The following PTPRM variants were observed in gnomAD, a reference collection of about 807,000 sequenced individuals.
PTPRM encodes protein tyrosine phosphatase receptor type M, also known as receptor-type tyrosine-protein phosphatase mu.
Under a neutral mutation model 186.7 loss-of-function variants are expected in PTPRM, and 47 were observed. That is an observed-to-expected ratio of 0.25 (90% CI 0.20 to 0.32). PTPRM has a LOEUF of 0.32. Ranked by LOEUF, PTPRM falls within the 10% of genes least tolerant of loss-of-function variation. PTPRM has a pLI of 1.00. For missense variants in PTPRM, 1,494 were observed against 1,865.0 expected (o/e 0.80, Z 3.66); for synonymous variants, 668 against 674.9 (o/e 0.99, Z 0.16).
chr18:8,139,108 ATC>A (rs1437720984), intron 13 of PTPRM, among the ~76,000 whole-genome samples: 11 of 152,016 alleles, frequency 7.2e-5, no homozygotes, highest in Non-Finnish European at 1.5e-4. Context: ...CCTACTTGCT[ATC>A]TCTTTTGTAT....
chr18:7,836,359 G>A (rs1324715459), intron 2 of PTPRM, among the ~76,000 whole-genome samples: 1 of 152,034 alleles, frequency 6.6e-6, no homozygotes, highest in African/African-American at 2.4e-5. Context: ...AAACAAACCA[G>A]CAAAAAGAAA....
intron 13 of PTPRM, among the ~76,000 whole-genome samples, chr18:8,119,623 G>A (rs746120614): frequency 5.9e-5 from 9 of 151,950 alleles, no homozygotes; most frequent in Admixed American, 3.9e-4. Context: ...GTATATTAAG[G>A]CCCCCTGAGA....
chr18:7,852,697 A>T (rs2046923769), intron 2 of PTPRM, among the ~76,000 whole-genome samples: 1 of 151,990 alleles, frequency 6.6e-6, no homozygotes, highest in African/African-American at 2.4e-5. Flanking sequence ...AAATAAAAAA[A>T]AGAAAAGAAA....
rs752110255 is a variant in PTPRM at position 8,126,027 on chromosome 18, A to ATTTTTTTT, written c.2167+11204_2167+11205insTTTTTTTT. Among the ~76,000 whole-genome samples, 195 of 69,502 alleles carry ATTTTTTTT rather than the reference A, an allele frequency of 2.8e-3. 10 individuals carry two copies. Among genetic ancestry groups the ATTTTTTTT allele is most frequent in the African/African-American group, 6.5e-3 (139 of 21,336 alleles). 45.6% of individuals were successfully genotyped at this position (69,502 alleles called of 152,430 possible). A position where few individuals can be genotyped will look rare whatever the true frequency, so the allele number is the denominator to read the frequency against. Reference sequence around the variant, plus strand: ...TATATATATATATATATATATATATATTTTAAATCAGTAGACCTTTCCATT... The same window carrying ATTTTTTTT: ...TATATATATATATATATATATATATATTTTTTTTTTTTAAATCAGTAGACCTTTCCATT... On this transcript the variant is annotated intron_variant, in intron 13 of 32. Coordinates refer to ENST00000580170, the MANE Select transcript of PTPRM (RefSeq NM_001105244.2).
intron 1 of PTPRM, among the ~76,000 whole-genome samples, chr18:7,630,827 A>G (rs1020693408): frequency 6.6e-6 from 1 of 152,168 alleles, no homozygotes; most frequent in Non-Finnish European, 1.5e-5. Flanking sequence ...AGATAAGATA[A>G]ACACAGACAC....
chr18:7,702,631 C>T (rs956309659), intron 1 of PTPRM, among the ~76,000 whole-genome samples: 3 of 152,152 alleles, frequency 2.0e-5, no homozygotes, highest in South Asian at 2.1e-4. Context: ...AATTTTCTCC[C>T]ATTCTGGAGG....
chr18:8,381,018 T>G (rs1401847871), intron 29 of PTPRM, among the ~76,000 whole-genome samples: 2 of 152,102 alleles, frequency 1.3e-5, no homozygotes, highest in African/African-American at 2.4e-5. Flanking sequence ...GTAAAGATAT[T>G]AAAAAGAAAT....
At chr18:7,585,963 A>C (rs2036967862) in intron 1 of PTPRM, among the ~76,000 whole-genome samples, 1 of 152,198 alleles carries the variant, frequency 6.6e-6, no homozygotes, top group African/African-American at 2.4e-5. Context: ...GCTGATACTC[A>C]TAGAATACTT....
intron 1 of PTPRM, among the ~76,000 whole-genome samples, chr18:7,624,985 G>A (rs1228058607): frequency 6.6e-6 from 1 of 152,146 alleles, no homozygotes; most frequent in East Asian, 1.9e-4. Context: ...CATTCCCTCT[G>A]CTGTTCCTCC....
intron 7 of PTPRM, among the ~76,000 whole-genome samples, chr18:7,956,370 G>C (rs573394578): frequency 2.3e-4 from 35 of 152,136 alleles, no homozygotes; most frequent in African/African-American, 7.7e-4. Flanking sequence ...CATTGTAGCT[G>C]GTTTTTAAAT....
intron 5 of PTPRM, among the ~76,000 whole-genome samples, chr18:7,948,130 TACACACAC>T (rs57918724): frequency 0.011 from 1,581 of 137,860 alleles, 10 homozygotes; most frequent in East Asian, 0.022. Flanking sequence ...GATTATAAAA[TACACACAC>T]ACACACACAC....
chr18:8,330,739 C>T (rs767296571), intron 22 of PTPRM, among the ~76,000 whole-genome samples: 3 of 151,834 alleles, frequency 2.0e-5, no homozygotes, highest in Admixed American at 6.6e-5. Context: ...AGTTTCTGAG[C>T]GTTCTCTTTG....
At chr18:8,364,924 G>T (rs2095618991) in intron 23 of PTPRM, 1 of 152,222 alleles carries the variant, frequency 6.6e-6, no homozygotes, top group African/African-American at 2.4e-5. Context: ...GTTCTGCCCA[G>T]ACTCCTTCCT....
chr18:7,880,255 T>C (rs772635319), intron 2 of PTPRM, among the ~76,000 whole-genome samples: 2 of 152,228 alleles, frequency 1.3e-5, no homozygotes, highest in South Asian at 2.1e-4. Flanking sequence ...TAGAGAGTTT[T>C]ACTTCAGCTT....
At chr18:7,687,934 T>C (rs562577843) in intron 1 of PTPRM, among the ~76,000 whole-genome samples, 12 of 152,124 alleles carry the variant, frequency 7.9e-5, no homozygotes, top group South Asian at 2.1e-4. Flanking sequence ...CACGCCACCA[T>C]GCCCAGCTAA....
At position 7,964,407 on chromosome 18, in the gene PTPRM, C is replaced by T. The variant is rs117010129; in HGVS notation, c.1132+8993C>T. ...ACTCTCAACAAACGAGTTAACCTTG[C>T]TATTCCTAGTTTCTTAATCCTTCTG... On this transcript the variant is annotated intron_variant, in intron 7 of 32. Transcript: ENST00000580170. 9.2e-3 allele frequency among the ~76,000 whole-genome samples: 1,403 copies of T among 152,266 alleles called. 12 individuals are homozygous for T. Among genetic ancestry groups the T allele is most frequent in the South Asian group, 0.019 (92 of 4,826 alleles).
intron 14 of PTPRM, among the ~76,000 whole-genome samples, chr18:8,236,987 T>C (rs2094352599): frequency 6.6e-6 from 1 of 152,238 alleles, no homozygotes; most frequent in East Asian, 1.9e-4. Flanking sequence ...ATGGAGCATT[T>C]TATATTATCC....
intron 7 of PTPRM, among the ~76,000 whole-genome samples, chr18:7,999,299 G>A (rs959775121): frequency 1.3e-5 from 2 of 152,116 alleles, no homozygotes; most frequent in African/African-American, 4.8e-5. Flanking sequence ...CAGTGGCACT[G>A]GCTAGAAATT....
At chr18:7,730,208 A>G (rs1027025342) in intron 1 of PTPRM, among the ~76,000 whole-genome samples, 1 of 152,088 alleles carries the variant, frequency 6.6e-6, no homozygotes, top group Non-Finnish European at 1.5e-5. Context: ...GGGTGTCACC[A>G]TAGGATGATT....
Sources: gnomAD v4.1 joint callset for allele counts (sites outside exome capture counted in the v4.1 genomes callset) on GRCh38, gnomAD v4.1.1 for gene constraint, MANE v1.5 for transcripts, NCBI Gene and HGNC (gene_info 2026-07-23, HGNC 2026-07-21) for gene names.